Variants in TNFSF10 observed in about 807,000 individuals in gnomAD.
TNFSF10 encodes tumor necrosis factor ligand superfamily member 10.
A neutral mutation model predicts 29.5 loss-of-function variants in TNFSF10; 13 were observed. The observed-to-expected ratio is 0.44, with a 90% CI of 0.29 to 0.70. The LOEUF (loss-of-function observed/expected upper bound fraction) is 0.70. Among genes scored for constraint, TNFSF10 ranks in the 30% least tolerant of loss-of-function variants. The pLI is 0.13. For synonymous variants in TNFSF10, 111 were observed against 112.8 expected, an observed-to-expected ratio of 0.98 and a Z score of 0.10; for missense variants, 345 against 330.9, an observed-to-expected ratio of 1.04 and a Z score of -0.33.
rs1214069020 is a variant in TNFSF10 at position 172,505,589 on chromosome 3, TC to T, written c.*902del. On this transcript the variant is annotated 3_prime_UTR_variant, in exon 5 of 5. Transcript: ENST00000241261. ...TATGAAAAAAAGATTAGAAGTCTTT[TC>T]CCCCATTTTTAGTAATCTTGATATT... 6.6e-6 allele frequency: 1 copy of T among 152,046 alleles called. No individual in the cohort carries two copies. Among genetic ancestry groups the T allele is most frequent in the Non-Finnish European group, 1.5e-5 (1 of 68,020 alleles). The allele number at this position is 152,046 out of a possible 1,614,324, so 9.4% of individuals were successfully genotyped here.
intron 4 of TNFSF10, 72 bp from the exon 5 acceptor site, chr3:172,506,991 C>CTG: frequency 7.5e-7 from 1 of 1,339,954 alleles, no homozygotes; most frequent in Non-Finnish European, 1.0e-6. Context: ...TTTTTTGCAG[C>CTG]TGTGGCCAGC....
intron 2 of TNFSF10, among the ~76,000 whole-genome samples, chr3:172,511,880 C>T (rs1713239486): frequency 1.3e-5 from 2 of 152,128 alleles, no homozygotes; most frequent in Admixed American, 1.3e-4. Flanking sequence ...AGGGATGGTC[C>T]CCTGCCTGGG....
At position 172,514,948 on chromosome 3, in the gene TNFSF10, ATCT is replaced by A. The variant is rs1713370750; in HGVS notation, c.180_182del (p.Glu60del). ...CGTCATTGGGGTCCCAATAACTGTCATCTTCTTTTAAGAAACAAGCAATGCCAC... is the reference window on the plus strand; with the variant it reads ...CGTCATTGGGGTCCCAATAACTGTCATCTTTTAAGAAACAAGCAATGCCAC... On this transcript the variant is annotated inframe_deletion, in exon 2 of 5. Transcript: ENST00000241261. 3.7e-6 allele frequency: 6 copies of A among 1,614,134 alleles called. No homozygotes were observed. The highest frequency in any genetic ancestry group is 1.6e-4 in the Middle Eastern group (1 of 6,062).
rs185799379 is a variant in TNFSF10, at chr3:172,506,360, T to G, written c.*132A>C. The G allele has an allele frequency of 2.6e-4, 307 of 1,166,162 alleles. No homozygotes were observed. Among genetic ancestry groups the G allele is most frequent in the Middle Eastern group, 9.0e-4 (3 of 3,320 alleles). 72.2% of individuals were successfully genotyped at this position (1,166,162 alleles called of 1,614,324 possible). A position where few individuals can be genotyped will look rare whatever the true frequency, so the allele number is the denominator to read the frequency against. ...TTGGTTGTGGCTGCTCTACTCAGAT[T>G]GCATAGAGGTTTTTTTGTTTTCTGT... On this transcript the variant is annotated 3_prime_UTR_variant, in exon 5 of 5. Coordinates refer to ENST00000241261, the MANE Select transcript of TNFSF10 (RefSeq NM_003810.4).
chr3:172,517,284 A>G, intron 1 of TNFSF10: 1 of 968,150 alleles, frequency 1.0e-6, no homozygotes, highest in Non-Finnish European at 1.2e-6. Flanking sequence ...CCAGGTTAGC[A>G]CCAATTGCTG....
intron 3 of TNFSF10, among the ~76,000 whole-genome samples, chr3:172,510,219 G>A (rs570712875): frequency 2.0e-5 from 3 of 152,318 alleles, no homozygotes; most frequent in South Asian, 2.1e-4. Flanking sequence ...ACAATTTGGA[G>A]GCCAAGATGG....
At chr3:172,520,095 C>G (rs179777) in intron 1 of TNFSF10, among the ~76,000 whole-genome samples, 2 of 152,204 alleles carry the variant, frequency 1.3e-5, no homozygotes, top group Non-Finnish European at 2.9e-5. Context: ...ACGTTCCTTG[C>G]AGCTCATAAT....
At chr3:172,514,079 T>C (rs1045412623) in intron 2 of TNFSF10, among the ~76,000 whole-genome samples, 2 of 152,194 alleles carry the variant, frequency 1.3e-5, no homozygotes, top group Admixed American at 1.3e-4. Flanking sequence ...CCTCAGGTGA[T>C]CCGCCTGCCT....
At chr3:172,511,451 C>A in intron 3 of TNFSF10, 166 bp downstream of exon 3, 3 of 514,452 alleles carry the variant, frequency 5.8e-6, no homozygotes, top group South Asian at 5.9e-5. Flanking sequence ...TTCCTAGCTG[C>A]CAATGTAAAG....
chr3:172,523,271 A>T lies in TNFSF10; in HGVS notation c.114T>A (p.Phe38Leu). 1.9e-6 allele frequency: 3 copies of T among 1,613,798 alleles called. No individual in the cohort carries two copies. The highest frequency in any genetic ancestry group is 2.5e-6 in the Non-Finnish European group (3 of 1,179,742). The change falls in exon 1 of 5, where the codon TTT becomes TTA. Residue 38 changes from phenylalanine to leucine, a missense_variant. By Grantham distance (22) the Phe-to-Leu change is conservative (BLOSUM62 0). Transcript: ENST00000241261. The part of the protein sequence containing the change: ...SLCVAVTYVY[F>L]TNELKQMQDK... Reference sequence around the variant, plus strand: ...CACTGACCTGCTTCAGCTCGTTGGTAAAGTACACGTAAGTTACAGCCACAC... The same window carrying T: ...CACTGACCTGCTTCAGCTCGTTGGTTAAGTACACGTAAGTTACAGCCACAC...
At chr3:172,511,752 G>T in intron 2 of TNFSF10, 93 bp from the exon 3 acceptor site, 1 of 1,107,298 alleles carries the variant, frequency 9.0e-7, no homozygotes, top group Non-Finnish European at 1.3e-6. Flanking sequence ...TGTCTAACAG[G>T]AAATTTCTAC....
chr3:172,516,087 C>T (rs1246629131), intron 1 of TNFSF10, among the ~76,000 whole-genome samples: 1 of 151,924 alleles, frequency 6.6e-6, no homozygotes, highest in Non-Finnish European at 1.5e-5. Flanking sequence ...CCAGTGAAAC[C>T]CCATCTCTAC....
rs1289236647 is a variant in TNFSF10 at position 172,523,345 on chromosome 3, G to C, written c.40C>G (p.Gln14Glu). 1 of 1,614,052 alleles carries C rather than the reference G, an allele frequency of 6.2e-7. No individual in the cohort carries two copies. The highest frequency in any genetic ancestry group is 8.5e-7 in the Non-Finnish European group (1 of 1,179,920). Residue 14 changes from glutamine to glutamate, a missense_variant, in exon 1 of 5, where the codon CAG becomes GAG. Physicochemically the swap from Gln to Glu is conservative, Grantham distance 29. Transcript: ENST00000241261. ...MEVQGGPSLGQTCVLIVIFTV... is the reference protein window; with the variant it reads ...MEVQGGPSLGETCVLIVIFTV... Reference sequence around the variant, plus strand: ...AAGATCACGATCAGCACGCAGGTCTGTCCCAGGCTGGGTCCCCCCTGGACC... The same window carrying C: ...AAGATCACGATCAGCACGCAGGTCTCTCCCAGGCTGGGTCCCCCCTGGACC...
intron 4 of TNFSF10, chr3:172,507,136 T>C: frequency 5.5e-6 from 3 of 542,084 alleles, no homozygotes; most frequent in Non-Finnish European, 9.6e-6. Flanking sequence ...TTGGGAACTG[T>C]TGGGAGTCCC....
intron 1 of TNFSF10, among the ~76,000 whole-genome samples, chr3:172,520,592 C>T (rs1006285342): frequency 2.0e-5 from 3 of 152,212 alleles, no homozygotes. Context: ...CCTGCATATT[C>T]GTGGTGCCTA....
At position 172,517,329 on chromosome 3, in the gene TNFSF10, G is replaced by A. The variant is rs527943205; in HGVS notation, c.133-2331C>T. On this transcript the variant is annotated intron_variant, in intron 1 of 4. Transcript: ENST00000241261. ...TGTGATCCCTTCTGAGTATTTTCCAGAAATACTTTCAGGAGGAGGTGGAAG... is the reference window on the plus strand; with the variant it reads ...TGTGATCCCTTCTGAGTATTTTCCAAAAATACTTTCAGGAGGAGGTGGAAG... 3.0e-6 allele frequency: 3 copies of A among 985,282 alleles called. No individual in the cohort carries two copies. In the African/African-American group the frequency reaches 5.2e-5, roughly 17 times the overall value. The allele number at this position is 985,282 out of a possible 1,614,324, so 61.0% of individuals were successfully genotyped here. A position where few individuals can be genotyped will look rare whatever the true frequency, so the allele number is the denominator to read the frequency against.
intron 1 of TNFSF10, among the ~76,000 whole-genome samples, chr3:172,515,247 C>T (rs1358439420): frequency 1.3e-5 from 2 of 151,924 alleles, no homozygotes; most frequent in East Asian, 3.9e-4. Flanking sequence ...GTCACAGTGT[C>T]CTTCCCTGCC....
chr3:172,515,045 T>C (rs769629765), intron 1 of TNFSF10, 47 bp from the exon 2 acceptor site: 1 of 1,610,828 alleles, frequency 6.2e-7, no homozygotes, highest in South Asian at 1.1e-5. Flanking sequence ...AAGTGCTTTT[T>C]ATTTTTGTTC....
chr3:172,508,750 G>T (rs528536499), intron 4 of TNFSF10, among the ~76,000 whole-genome samples: 1 of 152,090 alleles, frequency 6.6e-6, no homozygotes, highest in Non-Finnish European at 1.5e-5. Flanking sequence ...TTAGCCAGGC[G>T]TGGAGCTGCG....
Sources: gnomAD v4.1 joint callset for allele counts (sites outside exome capture counted in the v4.1 genomes callset) on GRCh38, gnomAD v4.1.1 for gene constraint, MANE v1.5 for transcripts, NCBI Gene and HGNC (gene_info 2026-07-23, HGNC 2026-07-21) for gene names.